The following ACTR3C variants were observed in gnomAD, a reference collection of about 807,000 sequenced individuals.
ACTR3C encodes actin related protein 3C.
Under a neutral mutation model 26.3 loss-of-function variants are expected in ACTR3C, and 18 were observed. The observed-to-expected ratio is 0.68, with a 90% CI of 0.47 to 1.01. The LOEUF (loss-of-function observed/expected upper bound fraction) is 1.01, where lower values mean the gene tolerates loss of function less well. ACTR3C is among the 50% of genes least tolerant of loss of function. The probability of loss-of-function intolerance (pLI) is 0.00; values close to 1 mark genes in which losing one functional copy is unlikely to be tolerated. For synonymous variants in ACTR3C, 55 were observed against 94.5 expected, an observed-to-expected ratio of 0.58 and a Z score of 2.42; for missense variants, 184 against 250.7, an observed-to-expected ratio of 0.73 and a Z score of 1.80.
the ACTR3C span, among the ~76,000 whole-genome samples, chr7:150,154,159 C>T: frequency 6.6e-6 from 1 of 150,744 alleles, no homozygotes; most frequent in African/African-American, 2.5e-5. Flanking sequence ...ACCAGCATGG[C>T]ACATGTATAC....
the ACTR3C span, among the ~76,000 whole-genome samples, chr7:150,048,647 C>T: frequency 6.6e-6 from 1 of 151,854 alleles, no homozygotes; most frequent in Non-Finnish European, 1.5e-5. Context: ...CCGGGGCGCC[C>T]CAGCCACGCA....
chr7:149,931,366 T>C, the ACTR3C span, among the ~76,000 whole-genome samples: 1 of 152,226 alleles, frequency 6.6e-6, no homozygotes, highest in African/African-American at 2.4e-5. Context: ...CCTCTTATGA[T>C]GCACAGTGCT....
At chr7:150,195,107 G>GTGTA in the ACTR3C span, among the ~76,000 whole-genome samples, 12 of 138,506 alleles carry the variant, frequency 8.7e-5, no homozygotes, top group South Asian at 7.2e-4. Context: ...ATACATATAT[G>GTGTA]TATATATATA....
At chr7:150,046,356 C>T in the ACTR3C span, among the ~76,000 whole-genome samples, 1 of 80,392 alleles carries the variant, frequency 1.2e-5, no homozygotes, top group African/African-American at 3.8e-5. Flanking sequence ...CGCCCCCCCC[C>T]CCCCGACCCA....
the ACTR3C span, among the ~76,000 whole-genome samples, chr7:150,197,533 T>C: frequency 6.6e-6 from 1 of 152,196 alleles, no homozygotes; most frequent in Admixed American, 6.5e-5. Context: ...TCTCCTGTTT[T>C]AAAGTTGGGT....
At chr7:150,193,135 T>G in the ACTR3C span, among the ~76,000 whole-genome samples, 1 of 152,176 alleles carries the variant, frequency 6.6e-6, no homozygotes, top group African/African-American at 2.4e-5. Context: ...CAGTAAGCCT[T>G]TACTAAATTT....
At chr7:149,984,335 C>A in the ACTR3C span, among the ~76,000 whole-genome samples, 1 of 152,000 alleles carries the variant, frequency 6.6e-6, no homozygotes, top group African/African-American at 2.4e-5. Context: ...TCCTGAGGAG[C>A]CGGGGTTACA....
chr7:150,245,153 A>T (rs2533403), downstream of ACTR3C: 1 of 149,570 alleles, frequency 6.7e-6, no homozygotes, highest in South Asian at 2.1e-4. Context: ...TCCTCTGTAC[A>T]CATTTGGGTT....
At chr7:150,181,611 TTATA>T in the ACTR3C span, among the ~76,000 whole-genome samples, 90 of 149,788 alleles carry the variant, frequency 6.0e-4, 1 homozygote, top group East Asian at 0.012. Flanking sequence ...AAAAAAAAGT[TTATA>T]TATATATAGC....
chr7:150,295,851 C>T lies in ACTR3C; in HGVS notation c.-51-504G>A, dbSNP rs1836704823. ...GCCAAGCACCCTTACAGTCCAGCGG[C>T]AAGGGAAGAGTCCAGGGCAGATCAC... is the stretch of plus-strand genomic sequence containing the variant. On this transcript the variant is annotated intron_variant, in intron 1 of 7. Coordinates refer to ENST00000683684, the MANE Select transcript of ACTR3C (RefSeq NM_001164458.2). Among the ~76,000 whole-genome samples the T allele has an allele frequency of 2.9e-5, 4 of 137,072 alleles. No individual in the cohort carries two copies. In the South Asian group the frequency reaches 1.0e-3, roughly 35 times the overall value. 89.9% of individuals were successfully genotyped at this position (137,072 alleles called of 152,430 possible). A position where few individuals can be genotyped will look rare whatever the true frequency, so the allele number is the denominator to read the frequency against.
At chr7:150,006,435 G>C in the ACTR3C span, among the ~76,000 whole-genome samples, 2 of 147,962 alleles carry the variant, frequency 1.4e-5, no homozygotes, top group East Asian at 2.0e-4. Flanking sequence ...CTGACTTTGT[G>C]ATCCGCCCGC....
chr7:150,186,899 T>C, the ACTR3C span, among the ~76,000 whole-genome samples: 1 of 152,124 alleles, frequency 6.6e-6, no homozygotes, highest in African/African-American at 2.4e-5. Context: ...AAAGGACTCA[T>C]AGCTAAATAA....
the ACTR3C span, among the ~76,000 whole-genome samples, chr7:149,900,581 GAAAA>G: frequency 6.6e-6 from 1 of 151,578 alleles, no homozygotes. Context: ...GGTACATCAA[GAAAA>G]AAGAAAGAAC....
intron 6 of ACTR3C, among the ~76,000 whole-genome samples, chr7:150,268,293 C>T (rs1438884881): frequency 6.8e-6 from 1 of 147,908 alleles, no homozygotes; most frequent in Non-Finnish European, 1.5e-5. Context: ...CACTATACTT[C>T]CAGGCCTTTC....
chr7:150,091,106 C>T, the ACTR3C span, among the ~76,000 whole-genome samples: 19 of 149,102 alleles, frequency 1.3e-4, no homozygotes, highest in East Asian at 8.3e-4. Context: ...GTGGCCAGGA[C>T]CCCTGCTTTC....
At chr7:150,317,604 C>T (rs1038088686) in intron 1 of ACTR3C, among the ~76,000 whole-genome samples, 5 of 152,140 alleles carry the variant, frequency 3.3e-5, no homozygotes, top group South Asian at 4.2e-4. Context: ...ACCAGAACAA[C>T]GTTAAATGAT....
chr7:149,987,853 T>C, the ACTR3C span, among the ~76,000 whole-genome samples: 1 of 152,098 alleles, frequency 6.6e-6, no homozygotes, highest in Non-Finnish European at 1.5e-5. Context: ...CAAACCCCCA[T>C]GACATAAGCT....
At chr7:150,244,607 C>T (rs1472438417), downstream of ACTR3C, 1 of 152,058 alleles carries the variant, frequency 6.6e-6, no homozygotes, top group African/African-American at 2.4e-5. Context: ...GGAGCTAATG[C>T]CATTTGGGAG....
the ACTR3C span, among the ~76,000 whole-genome samples, chr7:149,911,607 A>C: frequency 6.6e-6 from 1 of 152,246 alleles, no homozygotes; most frequent in African/African-American, 2.4e-5. Context: ...AAAAAATCAC[A>C]GACATCATCT....
Sources: gnomAD v4.1 joint callset for allele counts (sites outside exome capture counted in the v4.1 genomes callset) on GRCh38, gnomAD v4.1.1 for gene constraint, MANE v1.5 for transcripts, NCBI Gene and HGNC (gene_info 2026-07-23, HGNC 2026-07-21) for gene names.